Variants in MBD5 observed in about 807,000 individuals in gnomAD.
MBD5 encodes the protein methyl-CpG-binding domain protein 5.
In MBD5, 13 loss-of-function variants were observed where a neutral mutation model predicts 117.3. That is an observed-to-expected ratio of 0.11 (90% CI 0.07 to 0.18). MBD5 has a LOEUF of 0.18. Among genes scored for constraint, MBD5 ranks in the 10% least tolerant of loss-of-function variants. MBD5 has a pLI of 1.00. For missense variants in MBD5, 1,879 were observed against 2,093.8 expected (o/e 0.90, Z 2.00); for synonymous variants, 727 against 766.4 (o/e 0.95, Z 0.85).
At chr2:148,214,505 T>C (rs1699504897) in intron 2 of MBD5, among the ~76,000 whole-genome samples, 2 of 152,204 alleles carry the variant, frequency 1.3e-5, no homozygotes, top group African/African-American at 4.8e-5. Flanking sequence ...TTCAATTCAT[T>C]GGTTGGAAAA....
intron 3 of MBD5, among the ~76,000 whole-genome samples, chr2:148,304,426 T>C (rs1043733539): frequency 1.3e-5 from 2 of 151,998 alleles, no homozygotes; most frequent in Non-Finnish European, 2.9e-5. Flanking sequence ...AAAAAAAAAG[T>C]CTAGCATCAC....
intron 2 of MBD5, among the ~76,000 whole-genome samples, chr2:148,214,420 A>C (rs1193039095): frequency 6.6e-6 from 1 of 152,230 alleles, no homozygotes; most frequent in Non-Finnish European, 1.5e-5. Flanking sequence ...AACAATTCAC[A>C]CAGGCAATAT....
chr2:148,471,180 C>T (rs1680785154), intron 8 of MBD5: 2 of 151,992 alleles, frequency 1.3e-5, no homozygotes, highest in Admixed American at 6.6e-5. Context: ...CCATTTTTAT[C>T]ATTGACATTA....
chr2:148,329,958 A>G (rs1333168173), intron 3 of MBD5, among the ~76,000 whole-genome samples: 1 of 151,354 alleles, frequency 6.6e-6, no homozygotes, highest in Non-Finnish European at 1.5e-5. Context: ...CTATCATATC[A>G]GTTCATCCCA....
rs1682277622 is a variant in MBD5, at chr2:148,513,550, C to T, written c.*609C>T. On this transcript the variant is annotated 3_prime_UTR_variant, in exon 14 of 14. Transcript: ENST00000642680. ...TATCTGAATTATGACATACACTGCACACCACTGAGTGTCCATTTATATTGT... is the reference window on the plus strand; with the variant it reads ...TATCTGAATTATGACATACACTGCATACCACTGAGTGTCCATTTATATTGT... The T allele has an allele frequency of 3.2e-5, 5 of 154,302 alleles. No individual in the cohort carries two copies. The highest frequency in any genetic ancestry group is 1.9e-4 in the Admixed American group (3 of 15,628). The allele number at this position is 154,302 out of a possible 1,614,324, so 9.6% of individuals were successfully genotyped here.
chr2:148,242,718 A>G (rs1700242677), intron 3 of MBD5, among the ~76,000 whole-genome samples: 1 of 152,162 alleles, frequency 6.6e-6, no homozygotes, highest in Admixed American at 6.5e-5. Context: ...GAGCTATTCT[A>G]TTGTCAGAGT....
At chr2:148,273,448 A>T (rs1701030979) in intron 3 of MBD5, among the ~76,000 whole-genome samples, 1 of 152,104 alleles carries the variant, frequency 6.6e-6, no homozygotes, top group Admixed American at 6.6e-5. Flanking sequence ...GCTAAAACTT[A>T]AGACTGGTGT....
chr2:148,403,871 C>T (rs1198915788), intron 4 of MBD5, among the ~76,000 whole-genome samples: 3 of 152,166 alleles, frequency 2.0e-5, no homozygotes, highest in Non-Finnish European at 4.4e-5. Flanking sequence ...TTACCCACCT[C>T]TTTCTTGTCC....
chr2:148,377,231 T>C lies in MBD5; in HGVS notation c.-557+34895T>C, dbSNP rs140123411. 6.8e-3 allele frequency among the ~76,000 whole-genome samples: 1,028 copies of C among 152,256 alleles called. 12 individuals carry two copies. The highest frequency in any genetic ancestry group is 0.024 in the African/African-American group (987 of 41,526). On this transcript the variant is annotated intron_variant, in intron 4 of 13. Coordinates refer to ENST00000642680, the MANE Select transcript of MBD5 (RefSeq NM_001378120.1). ...AGGCATTCAGCACGGGAAAAGGATG[T>C]AGGCTGGGAGGCTAAGCCAGTCTAG...
chr2:148,273,387 G>T (rs1039367335), intron 3 of MBD5, among the ~76,000 whole-genome samples: 2 of 152,074 alleles, frequency 1.3e-5, no homozygotes, highest in Admixed American at 1.3e-4. Context: ...CATGTAGCTG[G>T]AGGTCACAAG....
intron 1 of MBD5, among the ~76,000 whole-genome samples, chr2:148,063,153 A>T (rs1695087144): frequency 6.6e-6 from 1 of 152,152 alleles, no homozygotes; most frequent in African/African-American, 2.4e-5. Context: ...GTTGAGGTAC[A>T]TGTTACTTTT....
chr2:148,132,252 G>A (rs1204210856), intron 1 of MBD5, among the ~76,000 whole-genome samples: 1 of 150,992 alleles, frequency 6.6e-6, no homozygotes, highest in Non-Finnish European at 1.5e-5. Flanking sequence ...GTTTTTAAGG[G>A]TCTGCTCCTT....
At chr2:148,034,956 T>G (rs549561064) in intron 1 of MBD5, among the ~76,000 whole-genome samples, 25 of 152,294 alleles carry the variant, frequency 1.6e-4, no homozygotes, top group African/African-American at 6.0e-4. Context: ...CTCCATAGAC[T>G]GAATACTACA....
intron 2 of MBD5, among the ~76,000 whole-genome samples, chr2:148,198,275 T>G (rs1699045992): frequency 6.6e-6 from 1 of 152,178 alleles, no homozygotes; most frequent in Non-Finnish European, 1.5e-5. Context: ...TGTCTGTAGA[T>G]CCAACATGTT....
chr2:148,486,969 TGAACAAACAA>T (rs1681358547), intron 10 of MBD5, among the ~76,000 whole-genome samples: 2 of 152,190 alleles, frequency 1.3e-5, no homozygotes, highest in African/African-American at 4.8e-5. Context: ...TCTTCAAATG[TGAACAAACAA>T]GCACATATCA....
intron 1 of MBD5, among the ~76,000 whole-genome samples, chr2:148,110,790 T>C (rs1386843401): frequency 6.6e-6 from 1 of 151,958 alleles, no homozygotes; most frequent in Non-Finnish European, 1.5e-5. Flanking sequence ...TTTCCTATGG[T>C]TGATTTCTCT....
chr2:148,214,874 C>G (rs1176345458), intron 2 of MBD5, among the ~76,000 whole-genome samples: 1 of 152,068 alleles, frequency 6.6e-6, no homozygotes, highest in African/African-American at 2.4e-5. Context: ...TCTCACCTGC[C>G]CATCCTGACA....
chr2:148,184,054 C>G (rs1698593516), intron 2 of MBD5, among the ~76,000 whole-genome samples: 1 of 144,808 alleles, frequency 6.9e-6, no homozygotes, highest in Admixed American at 7.1e-5. Flanking sequence ...CCTTCTGACT[C>G]TGTCACCTGG....
chr2:148,311,859 C>T (rs2106531635), intron 3 of MBD5, among the ~76,000 whole-genome samples: 1 of 152,308 alleles, frequency 6.6e-6, no homozygotes, highest in South Asian at 2.1e-4. Flanking sequence ...GATAAAATCT[C>T]TCAGCATTTG....
Sources: gnomAD v4.1 joint callset for allele counts (sites outside exome capture counted in the v4.1 genomes callset) on GRCh38, gnomAD v4.1.1 for gene constraint, MANE v1.5 for transcripts, NCBI Gene and HGNC (gene_info 2026-07-23, HGNC 2026-07-21) for gene names.